AIG1: variants seen among roughly 807,000 people sequenced by gnomAD.
AIG1 encodes androgen induced 1, also known as androgen-induced gene 1 protein.
Under a neutral mutation model 31.4 loss-of-function variants are expected in AIG1, and 23 were observed. The observed-to-expected ratio is 0.73, with a 90% CI of 0.53 to 1.04. The LOEUF is 1.04. AIG1 is among the 50% of genes least tolerant of loss of function. The probability of loss-of-function intolerance (pLI) is 0.00; values close to 1 mark genes in which losing one functional copy is unlikely to be tolerated. For missense variants in AIG1, 274 were observed against 295.0 expected (o/e 0.93, Z 0.52); for synonymous variants, 100 against 110.5 (o/e 0.90, Z 0.60).
intron 1 of AIG1, among the ~76,000 whole-genome samples, chr6:143,106,652 T>C (rs1478939774): frequency 1.3e-5 from 2 of 152,244 alleles, no homozygotes; most frequent in Non-Finnish European, 2.9e-5. Flanking sequence ...TATACTGTTT[T>C]CCCAATTCTC....
intron 2 of AIG1, among the ~76,000 whole-genome samples, chr6:143,156,241 T>G (rs1785736611): frequency 2.0e-5 from 3 of 152,194 alleles, no homozygotes; most frequent in Non-Finnish European, 2.9e-5. Context: ...AATTGGGAAA[T>G]TGGAAAGAAT....
At chr6:143,153,471 C>T (rs955893895) in intron 2 of AIG1, among the ~76,000 whole-genome samples, 1 of 152,256 alleles carries the variant, frequency 6.6e-6, no homozygotes, top group Non-Finnish European at 1.5e-5. Flanking sequence ...CCTCAGCCTC[C>T]CGAGTAGCTG....
rs866559224 is a variant in AIG1, at chr6:143,220,037, C to A, written c.399+54854C>A. Among the ~76,000 whole-genome samples the A allele has an allele frequency of 2.0e-5, 3 of 152,166 alleles. No homozygotes were observed. The South Asian group carries it at 6.2e-4, about 32-fold the overall frequency. On this transcript the variant is annotated intron_variant, in intron 3 of 5. Coordinates refer to ENST00000357847, the MANE Select transcript of AIG1 (RefSeq NM_016108.4). Reference sequence around the variant, plus strand: ...CCTTACCTCGAATTCTCACCACCAACCTCATCTTGAGCTGCTCATGCCAAC... The same window carrying A: ...CCTTACCTCGAATTCTCACCACCAAACTCATCTTGAGCTGCTCATGCCAAC...
intron 3 of AIG1, among the ~76,000 whole-genome samples, chr6:143,208,284 C>G (rs1388672547): frequency 1.3e-5 from 2 of 152,186 alleles, no homozygotes; most frequent in African/African-American, 4.8e-5. Context: ...ATTAAATAAT[C>G]TAACTTAGCA....
chr6:143,343,221 C>T (rs901130352), downstream of AIG1: 32 of 677,122 alleles, frequency 4.7e-5, no homozygotes, highest in African/African-American at 1.9e-4. Flanking sequence ...GATCCTGGGA[C>T]GGAAATTTTT....
At position 143,187,514 on chromosome 6, in the gene AIG1, T is replaced by C. The variant is rs970816707; in HGVS notation, c.399+22331T>C. ...TATGCACAAAATCACTTACCACATT[T>C]TTTAACCTGTTTTTCACACTGGGTA... On this transcript the variant is annotated intron_variant, in intron 3 of 5. Transcript: ENST00000357847. 7.2e-6 allele frequency: 11 copies of C among 1,534,702 alleles called. No homozygotes were observed. In the African/African-American group the frequency reaches 1.5e-4, roughly 21 times the overall value.
chr6:143,239,487 G>A (rs989028747), intron 3 of AIG1, among the ~76,000 whole-genome samples: 1 of 152,186 alleles, frequency 6.6e-6, no homozygotes, highest in Non-Finnish European at 1.5e-5. Context: ...GCTTGTTGAT[G>A]AGCTGAGGCG....
At chr6:143,193,111 G>T (rs959431699) in intron 3 of AIG1, among the ~76,000 whole-genome samples, 2 of 152,148 alleles carry the variant, frequency 1.3e-5, no homozygotes, top group Non-Finnish European at 1.5e-5. Context: ...TAAACTGCCT[G>T]CTCTGCAAAA....
chr6:143,106,555 C>T (rs1193600886), intron 1 of AIG1, among the ~76,000 whole-genome samples: 1 of 152,174 alleles, frequency 6.6e-6, no homozygotes, highest in East Asian at 1.9e-4. Flanking sequence ...ACACTTAGGC[C>T]TCCCCAAAAT....
At chr6:143,312,557 A>C (rs1184937313) in intron 4 of AIG1, among the ~76,000 whole-genome samples, 1 of 152,140 alleles carries the variant, frequency 6.6e-6, no homozygotes, top group East Asian at 1.9e-4. Context: ...GAAAAATCAA[A>C]TCAAAATAGA....
At chr6:143,228,537 C>T (rs975657760) in intron 3 of AIG1, among the ~76,000 whole-genome samples, 2 of 152,138 alleles carry the variant, frequency 1.3e-5, no homozygotes, top group African/African-American at 2.4e-5. Flanking sequence ...AGGCAGGCAA[C>T]AGCATCAAAC....
chr6:143,256,614 T>G lies in AIG1; in HGVS notation c.400-27496T>G, dbSNP rs1171046198. Among the ~76,000 whole-genome samples, 5 of 152,214 alleles carry G rather than the reference T, an allele frequency of 3.3e-5. No individual in the cohort carries two copies. The highest frequency in any genetic ancestry group is 7.3e-5 in the Non-Finnish European group (5 of 68,034). The stretch of plus-strand genomic sequence containing the variant: ...CAGATAAAAATGGAACCGTTACAGC[T>G]GAAATAGGGTGGGAAAGGATCTTAC... On this transcript the variant is annotated intron_variant, in intron 3 of 5. Transcript: ENST00000357847. This position sits in a 1 kb window ranked among gnomAD's most constrained non-coding sequence, Gnocchi z 4.6.
intron 1 of AIG1, among the ~76,000 whole-genome samples, chr6:143,126,816 C>G (rs377138949): frequency 1.3e-5 from 2 of 152,134 alleles, no homozygotes; most frequent in Admixed American, 6.6e-5. Context: ...AAACTACTCT[C>G]TCTTTTATGT....
At chr6:143,309,720 T>C (rs1487862174) in intron 4 of AIG1, among the ~76,000 whole-genome samples, 1 of 151,902 alleles carries the variant, frequency 6.6e-6, no homozygotes, top group Non-Finnish European at 1.5e-5. Flanking sequence ...TTAGATAAAA[T>C]AACAAGACTA....
In AIG1 at chr6:143,293,834, G is replaced by T. The variant is rs1465252874; in HGVS notation, c.515+9609G>T. Among the ~76,000 whole-genome samples the T allele has an allele frequency of 6.6e-6, 1 of 151,898 alleles. No individual in the cohort carries two copies. Among genetic ancestry groups the T allele is most frequent in the African/African-American group, 2.4e-5 (1 of 41,320 alleles). ...CCACTGCTTCTTTTCCCCATAGTCT[G>T]CCCAAATCACCAGTGTGATGCTGCT... On this transcript the variant is annotated intron_variant, in intron 4 of 5. Coordinates refer to ENST00000357847, the MANE Select transcript of AIG1 (RefSeq NM_016108.4). The surrounding 1 kb of genome is among the most constrained non-coding windows in gnomAD (Gnocchi z 4.8).
chr6:143,296,619 A>C (rs1220196271), intron 4 of AIG1, among the ~76,000 whole-genome samples: 1 of 152,170 alleles, frequency 6.6e-6, no homozygotes, highest in Non-Finnish European at 1.5e-5. Flanking sequence ...CACACATTAA[A>C]ATCTGGTTAA....
intron 3 of AIG1, among the ~76,000 whole-genome samples, chr6:143,192,939 C>T (rs936410586): frequency 2.6e-5 from 4 of 152,088 alleles, no homozygotes; most frequent in African/African-American, 9.7e-5. Flanking sequence ...CATATGCTGT[C>T]ACATTTGTTC....
rs1393676308 is a variant in AIG1, at chr6:143,339,336, C to G, written c.680-303C>G. 12 of 208,794 alleles carry G rather than the reference C, an allele frequency of 5.7e-5. No individual in the cohort carries two copies. In the Middle Eastern group the frequency reaches 6.1e-3, roughly 107 times the overall value. 12.9% of individuals were successfully genotyped at this position (208,794 alleles called of 1,614,324 possible). A position where few individuals can be genotyped will look rare whatever the true frequency, so the allele number is the denominator to read the frequency against. On this transcript the variant is annotated intron_variant, in intron 5 of 5. Transcript: ENST00000357847. ...AGCTGGGATTTCCATGCAAACTCAG[C>G]AAGTCATGAATCAACTTGAAGCCTT...
chr6:143,319,761 C>T (rs1483712103), intron 4 of AIG1, among the ~76,000 whole-genome samples: 3 of 151,718 alleles, frequency 2.0e-5, no homozygotes, highest in African/African-American at 4.8e-5. Flanking sequence ...TAAAATCAGA[C>T]ATCAAAGAGG....
Sources: gnomAD v4.1 joint callset for allele counts (sites outside exome capture counted in the v4.1 genomes callset) on GRCh38, gnomAD v4.1.1 for gene constraint, Gnocchi (gnomAD v3.1) non-coding constraint, MANE v1.5 for transcripts, NCBI Gene and HGNC (gene_info 2026-07-23, HGNC 2026-07-21) for gene names.